Variants in DZIP1L observed in about 807,000 individuals in gnomAD.
DZIP1L encodes DAZ interacting zinc finger protein 1 like, also known as cilium assembly protein DZIP1L.
In DZIP1L, 90 loss-of-function variants were observed where a neutral mutation model predicts 88.7. The observed-to-expected ratio is 1.02, with a 90% CI of 0.86 to 1.21. The LOEUF (loss-of-function observed/expected upper bound fraction) is 1.21. Ranked by LOEUF, DZIP1L falls within the 50% of genes most tolerant of loss-of-function variation. DZIP1L has a pLI of 0.00. For synonymous variants in DZIP1L, 363 were observed against 372.1 expected, an observed-to-expected ratio of 0.98 and a Z score of 0.28; for missense variants, 932 against 955.8, an observed-to-expected ratio of 0.98 and a Z score of 0.33.
chr3:138,073,917 A>G (rs974126091), intron 11 of DZIP1L, among the ~76,000 whole-genome samples: 12 of 152,098 alleles, frequency 7.9e-5, no homozygotes, highest in African/African-American at 2.9e-4. Flanking sequence ...TGCAAAATAC[A>G]CTGAAAAGTC....
intron 3 of DZIP1L, among the ~76,000 whole-genome samples, chr3:138,096,278 G>C (rs959559730): frequency 1.3e-5 from 2 of 152,074 alleles, no homozygotes; most frequent in African/African-American, 4.8e-5. Context: ...AGCACTTTAC[G>C]TTAAGGAAAT....
chr3:138,086,811 G>A, intron 7 of DZIP1L, 150 bp downstream of exon 7: 1 of 790,432 alleles, frequency 1.3e-6, no homozygotes. Flanking sequence ...GTACTGATGG[G>A]GACAGTAGCC....
intron 5 of DZIP1L, 94 bp downstream of exon 5, chr3:138,092,289 C>G: frequency 7.4e-7 from 1 of 1,346,814 alleles, no homozygotes; most frequent in Non-Finnish European, 9.8e-7. Flanking sequence ...TAGCTTCCAA[C>G]AGCAGATGAA....
Position 138,062,835 on chromosome 3 carries a change from G to C in DZIP1L, c.2285C>G (p.Pro762Arg), listed in dbSNP as rs754972177. Residue 762 changes from proline (P) to arginine (R), a missense_variant, in exon 16 of 16, where the codon CCC becomes CGC. By Grantham distance (103) the Pro-to-Arg change is moderately radical (BLOSUM62 -2). Transcript: ENST00000327532. ...GGTGAATCACCAGGCAGGGACCCTG[G>C]GTTGGCCAGAGCTCTGTGGACCAGT... ...FGTGPQSSGQ[P>R]RVPAW is the part of the protein sequence containing the mutation. The C allele has an allele frequency of 1.9e-6, 3 of 1,614,044 alleles. No individual in the cohort carries two copies. The highest frequency in any genetic ancestry group is 2.5e-6 in the Non-Finnish European group (3 of 1,180,038).
rs1041446332 is a variant in DZIP1L at position 138,062,707 on chromosome 3, T to A, written c.*109A>T. ...GCACTGCTTCTCTCCAAGAGGATGA[T>A]CTCTTGGTTGTTTGTGAAGACAAGA... On this transcript the variant is annotated 3_prime_UTR_variant, in exon 16 of 16. Coordinates refer to ENST00000327532, the MANE Select transcript of DZIP1L (RefSeq NM_173543.3). 8.8e-6 allele frequency: 11 copies of A among 1,249,776 alleles called. No individual in the cohort carries two copies. The African/African-American group carries it at 1.5e-4, about 17-fold the overall frequency. The allele number at this position is 1,249,776 out of a possible 1,614,324, so 77.4% of individuals were successfully genotyped here. A position where few individuals can be genotyped will look rare whatever the true frequency, so the allele number is the denominator to read the frequency against.
chr3:138,095,768 C>T (rs1018584760), intron 3 of DZIP1L, among the ~76,000 whole-genome samples: 1 of 151,382 alleles, frequency 6.6e-6, no homozygotes. Context: ...GGAGACAGAG[C>T]GAGACTCTGT....
chr3:138,068,773 G>A (rs389697), intron 12 of DZIP1L, among the ~76,000 whole-genome samples: 109,211 of 152,058 alleles, frequency 0.72, 41,882 homozygotes, highest in Non-Finnish European at 0.87. Flanking sequence ...AGAGGTCGCC[G>A]CAGGACTGCA....
At position 138,097,763 on chromosome 3, in the gene DZIP1L, C is replaced by T. The variant is rs1944548626; in HGVS notation, c.586G>A (p.Gly196Arg). 3 of 1,609,712 alleles carry T rather than the reference C, an allele frequency of 1.9e-6. No homozygotes were observed. In the East Asian group the frequency reaches 6.7e-5, roughly 36 times the overall value. ...QRRHAGVAEGGKQKKQEQPVE... is the reference protein window; with the variant it reads ...QRRHAGVAEGRKQKKQEQPVE... The stretch of plus-strand genomic sequence containing the variant: ...GGCCCGGGCTGCTGTCTGGACTCAC[C>T]ACCTTCTGCCACGCCTGCATGCCTG... Residue 196 changes from glycine (G) to arginine (R), a missense_variant and splice_region_variant, in exon 3 of 16, where the codon GGA (glycine) becomes AGA (arginine). By Grantham distance (125) the Gly-to-Arg change is moderately radical. Transcript: ENST00000327532.
rs1486236897 is a variant in DZIP1L at position 138,069,107 on chromosome 3, G to C, written c.1616-740C>G. On this transcript the variant is annotated intron_variant, in intron 12 of 15. Transcript: ENST00000327532. ...TCCACTTATACGTGGATTTTCTTCCGACTCTGCCACCCGTGAGACAGCAAG... is the reference window on the plus strand; with the variant it reads ...TCCACTTATACGTGGATTTTCTTCCCACTCTGCCACCCGTGAGACAGCAAG... The C allele has an allele frequency of 1.9e-5, 16 of 855,836 alleles. No individual in the cohort carries two copies. In the Admixed American group the frequency reaches 2.5e-4, roughly 13 times the overall value. 53.0% of individuals were successfully genotyped at this position (855,836 alleles called of 1,614,324 possible).
chr3:138,089,591 A>C (rs528652068), intron 5 of DZIP1L, among the ~76,000 whole-genome samples: 1 of 151,400 alleles, frequency 6.6e-6, no homozygotes, highest in Non-Finnish European at 1.5e-5. Context: ...ATCAGGAAGA[A>C]TCATTTTTTG....
intron 2 of DZIP1L, chr3:138,102,987 T>G: frequency 2.1e-6 from 1 of 478,238 alleles, no homozygotes; most frequent in South Asian, 2.1e-5. Context: ...AGAAGCTGCT[T>G]CTTGGTCACT....
Position 138,103,991 on chromosome 3 carries a change from C to T in DZIP1L, c.-20G>A. The T allele has an allele frequency of 6.3e-7, 1 of 1,596,440 alleles. No individual in the cohort carries two copies. The highest frequency in any genetic ancestry group is 2.2e-5 in the East Asian group (1 of 44,796). On this transcript the variant is annotated 5_prime_UTR_variant, in exon 2 of 16. Transcript: ENST00000327532. ...CTGCATGGGCAGAGGAAGCCCTGAG[C>T]TGACCACCAGAGGAGGGGGGCACCA...
intron 7 of DZIP1L, among the ~76,000 whole-genome samples, chr3:138,085,700 G>A (rs1282667005): frequency 1.3e-5 from 2 of 152,184 alleles, no homozygotes; most frequent in Non-Finnish European, 2.9e-5. Context: ...TCAGTGTGGC[G>A]ATTCCTCAGG....
At chr3:138,090,902 G>A (rs1321576368) in intron 5 of DZIP1L, among the ~76,000 whole-genome samples, 1 of 127,040 alleles carries the variant, frequency 7.9e-6, no homozygotes, top group Non-Finnish European at 1.7e-5. Context: ...TTTTTTTTTT[G>A]AGAAGGAGTC....
chr3:138,081,883 G>A (rs1000853931), intron 8 of DZIP1L, 119 bp from the exon 9 acceptor site: 38 of 1,029,586 alleles, frequency 3.7e-5, no homozygotes, highest in Admixed American at 5.5e-5. Flanking sequence ...CATGACTCAC[G>A]TTGGGAACTG....
At chr3:138,080,675 T>A in intron 9 of DZIP1L, 55 bp from the exon 10 acceptor site, 1 of 1,592,246 alleles carries the variant, frequency 6.3e-7, no homozygotes, top group East Asian at 2.2e-5. Flanking sequence ...CATCCCTGAC[T>A]AGAAGAAAAG....
At chr3:138,108,450 C>T (rs1360949496) in intron 1 of DZIP1L, among the ~76,000 whole-genome samples, 2 of 152,152 alleles carry the variant, frequency 1.3e-5, no homozygotes, top group Admixed American at 6.5e-5. Context: ...CAGCCACTCT[C>T]TCTCTCATCT....
chr3:138,071,712 C>G lies in DZIP1L; in HGVS notation c.1546G>C (p.Val516Leu). ...LSLRGKLVKE[V>L]TSRAKERQEN... ...TGTCTCTCCTTCGCTCTGCTGGTGA[C>G]TTCCTTGACAAGCTTTCCCCTCAGA... is the stretch of plus-strand genomic sequence containing the variant. Residue 516 changes from valine (V) to leucine (L), a missense_variant, in exon 12 of 16, where the codon GTC (valine) becomes CTC (leucine). Coordinates refer to ENST00000327532, the MANE Select transcript of DZIP1L (RefSeq NM_173543.3). The G allele has an allele frequency of 6.2e-7, 1 of 1,614,244 alleles. No homozygotes were observed. Among genetic ancestry groups the G allele is most frequent in the Non-Finnish European group, 8.5e-7 (1 of 1,180,040 alleles).
intron 2 of DZIP1L, among the ~76,000 whole-genome samples, chr3:138,100,769 A>T (rs1342033871): frequency 6.6e-6 from 1 of 152,226 alleles, no homozygotes; most frequent in Non-Finnish European, 1.5e-5. Context: ...AAAAACCTGA[A>T]CCAGCATGAT....
Sources: gnomAD v4.1 joint callset for allele counts (sites outside exome capture counted in the v4.1 genomes callset) on GRCh38, gnomAD v4.1.1 for gene constraint, MANE v1.5 for transcripts, NCBI Gene and HGNC (gene_info 2026-07-23, HGNC 2026-07-21) for gene names.